The following SULT6B1 variants were observed in gnomAD, a reference collection of about 807,000 sequenced individuals.
The protein encoded by SULT6B1 is sulfotransferase family 6B member 1, also known as sulfotransferase 6B1.
SULT6B1 carries 44 observed loss-of-function variants against 37.2 expected under a neutral mutation model. The observed-to-expected ratio is 1.18, with a 90% CI of 0.93 to 1.52. The LOEUF (loss-of-function observed/expected upper bound fraction) is 1.52. Among genes scored for constraint, SULT6B1 ranks in the 40% most tolerant of loss-of-function variants. The pLI is 0.00. For synonymous variants in SULT6B1, 140 were observed against 126.0 expected (o/e 1.11, Z -0.74); for missense variants, 450 against 361.0 (o/e 1.25, Z -2.00).
intron 2 of SULT6B1, among the ~76,000 whole-genome samples, chr2:37,186,886 A>T (rs1455038632): frequency 1.3e-5 from 2 of 151,904 alleles, no homozygotes; most frequent in Admixed American, 6.6e-5. Flanking sequence ...ATGAAGTGAG[A>T]CTCCATTTCA....
chr2:37,174,821 G>T (rs1271672111), intron 5 of SULT6B1, among the ~76,000 whole-genome samples: 1 of 151,970 alleles, frequency 6.6e-6, no homozygotes, highest in Admixed American at 6.6e-5. Context: ...TCACAACCAA[G>T]TGTATGTTCA....
At chr2:37,168,180 A>G (rs76784341) in intron 6 of SULT6B1, 115 bp from the exon 7 acceptor site, 1 of 1,052,520 alleles carries the variant, frequency 9.5e-7, no homozygotes, top group Non-Finnish European at 1.3e-6. Flanking sequence ...CATGGAAAAA[A>G]GCTTTACACT....
upstream of SULT6B1, among the ~76,000 whole-genome samples, chr2:37,189,572 A>G (rs1676741592): frequency 6.6e-6 from 1 of 151,994 alleles, no homozygotes; most frequent in Non-Finnish European, 1.5e-5. Context: ...TGCCCTCCTT[A>G]CCCCAGGGAA....
chr2:37,180,610 A>T (rs1180640494), intron 3 of SULT6B1, among the ~76,000 whole-genome samples: 1 of 152,178 alleles, frequency 6.6e-6, no homozygotes. Context: ...GGGGCTGGGC[A>T]TGGTGGCTTA....
In SULT6B1 at chr2:37,182,969, G is replaced by A. The variant is rs370473727; in HGVS notation, c.402+456C>T. 2.6e-5 allele frequency among the ~76,000 whole-genome samples: 4 copies of A among 152,166 alleles called. No homozygotes were observed. In the South Asian group the frequency reaches 8.3e-4, roughly 32 times the overall value. On this transcript the variant is annotated intron_variant, in intron 3 of 6. Transcript: ENST00000535679. ...GGCCTTGGTGGCAGAAGGATCTCTT[G>A]AAGTCAGGAGTTCGAGACCAGCCTG... is the stretch of plus-strand genomic sequence containing the variant.
intron 6 of SULT6B1, among the ~76,000 whole-genome samples, 188 bp from the exon 7 acceptor site, chr2:37,168,253 G>C (rs1029431864): frequency 6.6e-6 from 1 of 152,054 alleles, no homozygotes; most frequent in Non-Finnish European, 1.5e-5. Flanking sequence ...GCCGTGGTGC[G>C]ATCTTCAAGC....
At chr2:37,175,877 G>T (rs985965902) in intron 4 of SULT6B1, among the ~76,000 whole-genome samples, 1 of 152,080 alleles carries the variant, frequency 6.6e-6, no homozygotes, top group Admixed American at 6.5e-5. Context: ...TTAATAAAAC[G>T]TACAGTTTAA....
upstream of SULT6B1, chr2:37,191,049 G>T (rs1385976560): frequency 2.0e-5 from 3 of 152,120 alleles, no homozygotes; most frequent in Non-Finnish European, 4.4e-5. Context: ...GTGATTAAAA[G>T]ATATTTTAAA....
chr2:37,181,595 G>C (rs1294331780), intron 3 of SULT6B1, among the ~76,000 whole-genome samples: 1 of 148,832 alleles, frequency 6.7e-6, no homozygotes, highest in Non-Finnish European at 1.5e-5. Context: ...TGCCAAGGCT[G>C]GTCTTGAACT....
Position 37,183,532 on chromosome 2 carries a change from A to C in SULT6B1, c.313-18T>G. On this transcript the variant is annotated intron_variant, in intron 2 of 6. Transcript: ENST00000535679. ...TTCATTCTCTTAAAAATATACACAAAAAGGTGAAAATGTGCACGTGTGTGC... is the reference window on the plus strand; with the variant it reads ...TTCATTCTCTTAAAAATATACACAACAAGGTGAAAATGTGCACGTGTGTGC... The C allele has an allele frequency of 6.3e-7, 1 of 1,598,626 alleles. No homozygotes were observed. The highest frequency in any genetic ancestry group is 8.6e-7 in the Non-Finnish European group (1 of 1,166,012).
rs1676600011 is a variant in SULT6B1, at chr2:37,183,478, T to C, written c.349A>G (p.Thr117Ala). 2.5e-6 allele frequency: 4 copies of C among 1,613,984 alleles called. No homozygotes were observed. Among genetic ancestry groups the C allele is most frequent in the Middle Eastern group, 1.6e-4 (1 of 6,084 alleles). Reference protein sequence around the residue: ...KGFPSPRILATHLHYDKLPGS... With the variant: ...KGFPSPRILAAHLHYDKLPGS... ...GGTAATTTGTCATAGTGGAGGTGAG[T>C]TGCCAAAATCCTTGGTGATGGAAAG... is the stretch of plus-strand genomic sequence containing the variant. Residue 117 changes from threonine (T) to alanine (A), a missense_variant, in exon 3 of 7, where the codon ACT (threonine) becomes GCT (alanine). Thr to Ala is a moderately conservative substitution (Grantham distance 58). Coordinates refer to ENST00000535679, the MANE Select transcript of SULT6B1 (RefSeq NM_001367551.1).
At chr2:37,176,380 C>T (rs984500352) in intron 4 of SULT6B1, among the ~76,000 whole-genome samples, 2 of 147,152 alleles carry the variant, frequency 1.4e-5, no homozygotes, top group East Asian at 4.1e-4. Flanking sequence ...CTGTCTCAGT[C>T]TCCTGAGTAG....
chr2:37,168,915 T>C (rs1354925585), intron 6 of SULT6B1, among the ~76,000 whole-genome samples: 2 of 152,118 alleles, frequency 1.3e-5, no homozygotes, highest in African/African-American at 4.8e-5. Context: ...TTTAATGACA[T>C]GAAGAAACGC....
chr2:37,176,240 T>C (rs892539578), intron 4 of SULT6B1, among the ~76,000 whole-genome samples: 2 of 151,642 alleles, frequency 1.3e-5, no homozygotes, highest in African/African-American at 2.4e-5. Flanking sequence ...CAGTGCCTGC[T>C]TCATAGTAAC....
At chr2:37,192,984 A>G (rs187820174), upstream of SULT6B1, among the ~76,000 whole-genome samples, 222 of 152,230 alleles carry the variant, frequency 1.5e-3, 2 homozygotes, top group Admixed American at 2.9e-3. Context: ...GTATCGTGTG[A>G]TATGTTTGAA....
chr2:37,193,676 A>T (rs1676834806), intron 1 of SULT6B1, among the ~76,000 whole-genome samples: 1 of 151,896 alleles, frequency 6.6e-6, no homozygotes, highest in Non-Finnish European at 1.5e-5. Flanking sequence ...GAAGGAGAAG[A>T]AGGAGAAAAT....
At chr2:37,190,741 T>C (rs568862478), upstream of SULT6B1, among the ~76,000 whole-genome samples, 1 of 152,288 alleles carries the variant, frequency 6.6e-6, no homozygotes, top group East Asian at 1.9e-4. Flanking sequence ...GGGAGACATT[T>C]GGGAGTGGTA....
chr2:37,173,688 C>T (rs923774608), intron 5 of SULT6B1, among the ~76,000 whole-genome samples: 4 of 152,088 alleles, frequency 2.6e-5, no homozygotes, highest in Non-Finnish European at 5.9e-5. Flanking sequence ...CTTGTCTTGC[C>T]ACTCTCCCCT....
In SULT6B1 at chr2:37,175,191, A is replaced by G. The variant is rs755941099; in HGVS notation, c.565T>C (p.Trp189Arg). The G allele has an allele frequency of 7.5e-6, 12 of 1,591,498 alleles. No homozygotes were observed. Among genetic ancestry groups the G allele is most frequent in the Admixed American group, 5.2e-5 (3 of 57,744 alleles). Residue 189 changes from tryptophan to arginine, a missense_variant, in exon 5 of 7, where the codon TGG becomes CGG. Coordinates refer to ENST00000535679, the MANE Select transcript of SULT6B1 (RefSeq NM_001367551.1). Reference sequence around the variant, plus strand: ...TTGTCGCCATCAAGATGTTTGTTCCAATTGATTGCAAAATCAAAATACCTT... The same window carrying G: ...TTGTCGCCATCAAGATGTTTGTTCCGATTGATTGCAAAATCAAAATACCTT... Reference protein sequence around the residue: ...WGRYFDFAINWNKHLDGDNVK... With the variant: ...WGRYFDFAINRNKHLDGDNVK...
Sources: gnomAD v4.1 joint callset for allele counts (sites outside exome capture counted in the v4.1 genomes callset) on GRCh38, gnomAD v4.1.1 for gene constraint, MANE v1.5 for transcripts, NCBI Gene and HGNC (gene_info 2026-07-23, HGNC 2026-07-21) for gene names.